SUSD1: variants seen among roughly 807,000 people sequenced by gnomAD.
The protein encoded by SUSD1 is sushi domain containing 1.
Under a neutral mutation model 86.9 loss-of-function variants are expected in SUSD1, and 65 were observed. The ratio of observed to expected loss-of-function variants is 0.75; its 90% confidence interval spans 0.61 to 0.92. SUSD1 has a LOEUF of 0.92. Ranked by LOEUF, SUSD1 falls within the 40% of genes least tolerant of loss-of-function variation. The probability of loss-of-function intolerance (pLI) is 0.00; values close to 1 mark genes in which losing one functional copy is unlikely to be tolerated. For synonymous variants in SUSD1, 346 were observed against 350.0 expected (o/e 0.99, Z 0.13); for missense variants, 850 against 929.7 (o/e 0.91, Z 1.11).
intron 13 of SUSD1, among the ~76,000 whole-genome samples, chr9:112,062,418 G>A (rs527558189): frequency 1.8e-4 from 27 of 152,250 alleles, no homozygotes; most frequent in Non-Finnish European, 3.2e-4. Flanking sequence ...TATGTGGCCG[G>A]GTGTGGTGGT....
At chr9:112,079,878 A>C (rs1264039138) in intron 11 of SUSD1, among the ~76,000 whole-genome samples, 196 bp downstream of exon 11, 1 of 152,196 alleles carries the variant, frequency 6.6e-6, no homozygotes, top group East Asian at 1.9e-4. Flanking sequence ...CTGGGATTAC[A>C]AATGTGAGCC....
rs542284726 is a variant in SUSD1 at position 112,144,095 on chromosome 9, C to T, written c.374-472G>A. On this transcript the variant is annotated intron_variant, in intron 3 of 16. Coordinates refer to ENST00000374270, the MANE Select transcript of SUSD1 (RefSeq NM_022486.5). ...TCTCTAGTAAAAATACAAAAATTAG[C>T]CAGCCATGGTGGTACATGCCTGTAG... Among the ~76,000 whole-genome samples, 8 of 151,908 alleles carry T rather than the reference C, an allele frequency of 5.3e-5. No homozygotes were observed. The South Asian group carries it at 1.7e-3, about 32-fold the overall frequency.
chr9:112,142,534 T>C, intron 4 of SUSD1, 35 bp from the exon 5 acceptor site: 1 of 1,594,324 alleles, frequency 6.3e-7, no homozygotes, highest in Admixed American at 1.8e-5. Context: ...CATTACCTCG[T>C]GAATGTAAAT....
rs977028368 is a variant in SUSD1, at chr9:112,143,336, A to AT, written c.526+134dup. The AT allele has an allele frequency of 5.0e-5, 43 of 855,874 alleles. No individual in the cohort carries two copies. The African/African-American group carries it at 7.4e-4, about 15-fold the overall frequency. 53.0% of individuals were successfully genotyped at this position (855,874 alleles called of 1,614,324 possible). Reference sequence around the variant, plus strand: ...TAACTTGATTGTTGTTATTTGCTTTATGTCATAGGTTGTACAAAATGTGCA... The same window carrying AT: ...TAACTTGATTGTTGTTATTTGCTTTATTGTCATAGGTTGTACAAAATGTGCA... On this transcript the variant is annotated intron_variant, in intron 4 of 16. Transcript: ENST00000374270.
At chr9:112,164,143 AAGTCC>A (rs1286500699) in intron 1 of SUSD1, among the ~76,000 whole-genome samples, 1 of 152,224 alleles carries the variant, frequency 6.6e-6, no homozygotes, top group Non-Finnish European at 1.5e-5. Context: ...AAATTAAAGG[AAGTCC>A]AGTCTGAATT....
intron 11 of SUSD1, 39 bp from the exon 12 acceptor site, chr9:112,078,763 T>C (rs753417680): frequency 1.3e-6 from 2 of 1,560,578 alleles, no homozygotes; most frequent in Admixed American, 3.5e-5. Flanking sequence ...ATGGTTGGCC[T>C]AAAAGGCTTT....
Sources: gnomAD v4.1 joint callset for allele counts (sites outside exome capture counted in the v4.1 genomes callset) on GRCh38, gnomAD v4.1.1 for gene constraint, MANE v1.5 for transcripts, NCBI Gene and HGNC (gene_info 2026-07-23, HGNC 2026-07-21) for gene names.